The following ASIC2 variants were observed in gnomAD, a reference collection of about 807,000 sequenced individuals.
ASIC2 encodes acid sensing ion channel subunit 2.
In ASIC2, 25 loss-of-function variants were observed where a neutral mutation model predicts 57.3. The ratio of observed to expected loss-of-function variants is 0.44; its 90% confidence interval spans 0.32 to 0.61. The LOEUF (loss-of-function observed/expected upper bound fraction) is 0.61, where lower values mean the gene tolerates loss of function less well. Among genes scored for constraint, ASIC2 ranks in the 20% least tolerant of loss-of-function variants. The pLI is 0.06. For synonymous variants in ASIC2, 319 were observed against 307.5 expected (o/e 1.04, Z -0.39); for missense variants, 641 against 738.1 (o/e 0.87, Z 1.52).
At chr17:33,425,639 G>A (rs1180415349) in intron 1 of ASIC2, among the ~76,000 whole-genome samples, 1 of 152,132 alleles carries the variant, frequency 6.6e-6, no homozygotes, top group Non-Finnish European at 1.5e-5. Context: ...GACACAGAGA[G>A]ATGGTGGTCA....
chr17:34,149,610 A>G (rs1357554256), intron 1 of ASIC2, among the ~76,000 whole-genome samples: 1 of 152,242 alleles, frequency 6.6e-6, no homozygotes, highest in African/African-American at 2.4e-5. Context: ...CAAGAATACA[A>G]GGATGAGTGA....
Position 33,927,219 on chromosome 17 carries a change from G to A in ASIC2, c.555+228759C>T, listed in dbSNP as rs1915842750. 2.0e-5 allele frequency among the ~76,000 whole-genome samples: 3 copies of A among 152,162 alleles called. No homozygotes were observed. In the South Asian group the frequency reaches 6.2e-4, roughly 32 times the overall value. On this transcript the variant is annotated intron_variant, in intron 1 of 9. Transcript: ENST00000359872. Reference sequence around the variant, plus strand: ...GCTGTGATTACAGGCATGACCCACTGTGCCTAGCCTCAATTTTGGAACATT... The same window carrying A: ...GCTGTGATTACAGGCATGACCCACTATGCCTAGCCTCAATTTTGGAACATT...
rs544430866 is a variant in ASIC2, at chr17:33,882,615, G to A, written c.555+273363C>T. The stretch of plus-strand genomic sequence containing the variant: ...TCATTAAAAAGTCAGGAAACAACAG[G>A]TGCTGGAGAGGATGTGGAGAAATAG... On this transcript the variant is annotated intron_variant, in intron 1 of 9. Transcript: ENST00000359872. 3.9e-5 allele frequency among the ~76,000 whole-genome samples: 6 copies of A among 152,264 alleles called. No homozygotes were observed. The South Asian group carries it at 1.2e-3, about 32-fold the overall frequency.
chr17:34,037,530 T>A, intron 1 of ASIC2: 2 of 1,288,328 alleles, frequency 1.6e-6, no homozygotes, highest in South Asian at 2.9e-5. Flanking sequence ...TTTCATCAGA[T>A]CCATTCGGAT....
chr17:33,814,633 C>T (rs1249630062), intron 1 of ASIC2, among the ~76,000 whole-genome samples: 1 of 152,210 alleles, frequency 6.6e-6, no homozygotes, highest in Non-Finnish European at 1.5e-5. Flanking sequence ...TTTAGCAAAT[C>T]CTAGAACTTA....
intron 1 of ASIC2, among the ~76,000 whole-genome samples, chr17:33,463,974 G>A (rs1912726771): frequency 6.6e-6 from 1 of 152,170 alleles, no homozygotes; most frequent in Non-Finnish European, 1.5e-5. Flanking sequence ...CACATTGGTT[G>A]CATACCCTTA....
In ASIC2 at chr17:33,291,441, G is replaced by A; in HGVS notation, c.675C>T (p.Arg225=). Residue 225 remains arginine (R), a synonymous_variant, in exon 1 of 10, where the codon CGC becomes CGT. Transcript: ENST00000225823. Reference sequence around the variant, plus strand: ...AGTTGTGCGGCCCGCAGAGCTCGCCGCGGTACTTGCAGGAGAGCAGCATGT... The same window carrying A: ...AGTTGTGCGGCCCGCAGAGCTCGCCACGGTACTTGCAGGAGAGCAGCATGT... ...LEDMLLSCKY[R]GELCGPHNFS... The A allele has an allele frequency of 1.2e-6, 2 of 1,607,184 alleles. No individual in the cohort carries two copies. The highest frequency in any genetic ancestry group is 1.7e-6 in the Non-Finnish European group (2 of 1,176,798).
rs74448674 is a variant in ASIC2 at position 33,777,795 on chromosome 17, C to T, written c.555+378183G>A. On this transcript the variant is annotated intron_variant, in intron 1 of 9. Coordinates refer to the ASIC2 transcript ENST00000359872. ...AAAGTCCTCCCAGGTAGCAGGTGTGCGGTTATTATCGTAACAAGACAATGG... is the reference window on the plus strand; with the variant it reads ...AAAGTCCTCCCAGGTAGCAGGTGTGTGGTTATTATCGTAACAAGACAATGG... 9.3e-4 allele frequency among the ~76,000 whole-genome samples: 142 copies of T among 152,268 alleles called. 1 individual carries two copies. In the East Asian group the frequency reaches 0.024, roughly 25 times the overall value.
At chr17:33,625,664 A>C (rs183200292) in intron 1 of ASIC2, among the ~76,000 whole-genome samples, 139 of 152,362 alleles carry the variant, frequency 9.1e-4, no homozygotes, top group Non-Finnish European at 1.5e-3. Context: ...AACATCAAAG[A>C]CATAAATAAA....
At chr17:33,611,151 C>T (rs1208915933) in intron 1 of ASIC2, among the ~76,000 whole-genome samples, 1 of 152,166 alleles carries the variant, frequency 6.6e-6, no homozygotes, top group African/African-American at 2.4e-5. Context: ...CCCAACTAGC[C>T]CTCCTGGTGC....
At chr17:33,525,546 G>T (rs987101937) in intron 1 of ASIC2, among the ~76,000 whole-genome samples, 3 of 152,158 alleles carry the variant, frequency 2.0e-5, no homozygotes, top group Non-Finnish European at 4.4e-5. Context: ...CGGGCTCACG[G>T]GTTCTGGCTT....
intron 1 of ASIC2, among the ~76,000 whole-genome samples, chr17:33,556,786 T>G (rs1306554542): frequency 6.6e-6 from 1 of 152,190 alleles, no homozygotes; most frequent in Non-Finnish European, 1.5e-5. Context: ...CCATCTGCCC[T>G]TTAGTTACCT....
chr17:33,338,123 G>A (rs530656692), intron 1 of ASIC2, among the ~76,000 whole-genome samples: 1 of 151,978 alleles, frequency 6.6e-6, no homozygotes, highest in Non-Finnish European at 1.5e-5. Flanking sequence ...CTCTGGAATG[G>A]CAAGGAGGCT....
chr17:33,943,539 G>A (rs932733524), intron 1 of ASIC2, among the ~76,000 whole-genome samples: 1 of 152,126 alleles, frequency 6.6e-6, no homozygotes, highest in African/African-American at 2.4e-5. Flanking sequence ...TTACAGTTGA[G>A]GCTGCAGACC....
chr17:33,381,775 C>G (rs1454382387), intron 1 of ASIC2, among the ~76,000 whole-genome samples: 1 of 152,182 alleles, frequency 6.6e-6, no homozygotes, highest in Non-Finnish European at 1.5e-5. Flanking sequence ...TCAGGCCCAG[C>G]CTCAAATCCC....
At chr17:33,178,301 A>G (rs924558312) in intron 1 of ASIC2, among the ~76,000 whole-genome samples, 1 of 152,074 alleles carries the variant, frequency 6.6e-6, no homozygotes, top group African/African-American at 2.4e-5. Flanking sequence ...TTAAAATATG[A>G]CTGTCATACA....
intron 1 of ASIC2, among the ~76,000 whole-genome samples, chr17:33,459,679 C>A (rs945765251): frequency 6.6e-6 from 1 of 152,214 alleles, no homozygotes; most frequent in Non-Finnish European, 1.5e-5. Flanking sequence ...GGTGGGAACA[C>A]CCCTTCGTCA....
intron 1 of ASIC2, among the ~76,000 whole-genome samples, chr17:33,759,816 T>C (rs576381956): frequency 3.3e-5 from 5 of 152,176 alleles, no homozygotes; most frequent in Admixed American, 2.0e-4. Flanking sequence ...TTCTATAGGA[T>C]GACAGAAAGC....
intron 1 of ASIC2, among the ~76,000 whole-genome samples, chr17:33,618,747 T>C (rs927180996): frequency 1.3e-5 from 2 of 152,172 alleles, no homozygotes; most frequent in Non-Finnish European, 2.9e-5. Context: ...CTGCTGTCTC[T>C]TCATATTTGT....
Sources: allele counts gnomAD v4.1 joint callset (sites outside exome capture counted in the v4.1 genomes callset), GRCh38; gene constraint gnomAD v4.1.1; transcripts MANE v1.5; gene names NCBI Gene and HGNC (gene_info 2026-07-23, HGNC 2026-07-21).